Variants in NEMP1 observed in about 807,000 individuals in gnomAD.
The protein encoded by NEMP1 is transmembrane protein 194.
Under a neutral mutation model 53.7 loss-of-function variants are expected in NEMP1, and 29 were observed. The observed-to-expected ratio is 0.54, with a 90% CI of 0.40 to 0.74. NEMP1 has a LOEUF of 0.74. Among genes scored for constraint, NEMP1 ranks in the 30% least tolerant of loss-of-function variants. The pLI is 0.00. For synonymous variants in NEMP1, 193 were observed against 192.9 expected (o/e 1.00, Z 0.00); for missense variants, 477 against 528.6 (o/e 0.90, Z 0.96).
intron 1 of NEMP1, among the ~76,000 whole-genome samples, chr12:57,074,307 T>TTTC (rs2136512017): frequency 6.6e-6 from 1 of 151,470 alleles, no homozygotes; most frequent in African/African-American, 2.4e-5. Context: ...TTTTTTTTTT[T>TTTC]TTCAGACAGG....
chr12:57,072,772 G>T lies in NEMP1; in HGVS notation c.252+16C>A. Reference sequence around the variant, plus strand: ...TTTACAGAAGCTGCCACTGCCAGAGGATTCCAAGTTATTACCTGTATCCGT... The same window carrying T: ...TTTACAGAAGCTGCCACTGCCAGAGTATTCCAAGTTATTACCTGTATCCGT... On this transcript the variant is annotated intron_variant, in intron 2 of 8. Transcript: ENST00000300128. 1 of 1,579,828 alleles carries T rather than the reference G, an allele frequency of 6.3e-7. No homozygotes were observed. The highest frequency in any genetic ancestry group is 8.6e-7 in the Non-Finnish European group (1 of 1,158,792).
rs769112432 is a variant in NEMP1 at position 57,070,822 on chromosome 12, C to G, written c.324G>C (p.Glu108Asp). ...VENEEKLKEL[E>D]QFSIWNFFSS... ...AAAAAAAGTTCCAGATACTAAACTGCTCTAGCTCCTTCAGTTTCTCCTCAT... is the reference window on the plus strand; with the variant it reads ...AAAAAAAGTTCCAGATACTAAACTGGTCTAGCTCCTTCAGTTTCTCCTCAT... The change falls in exon 3 of 9, where the codon GAG (glutamate) becomes GAC (aspartate). Residue 108 changes from glutamate (E) to aspartate (D), a missense_variant. Glu to Asp is a conservative substitution (Grantham distance 45). Coordinates refer to ENST00000300128, the MANE Select transcript of NEMP1 (RefSeq NM_001130963.2). The G allele has an allele frequency of 3.7e-6, 6 of 1,614,134 alleles. No individual in the cohort carries two copies. In the South Asian group the frequency reaches 6.6e-5, roughly 18 times the overall value.
At chr12:57,085,708 C>T (rs2032970939) in intron 1 of NEMP1, among the ~76,000 whole-genome samples, 1 of 152,238 alleles carries the variant, frequency 6.6e-6, no homozygotes, top group South Asian at 2.1e-4. Context: ...GGCCTACTAC[C>T]TTTAGCATCT....
At chr12:57,085,305 G>T (rs1389370799) in intron 1 of NEMP1, among the ~76,000 whole-genome samples, 5 of 152,098 alleles carry the variant, frequency 3.3e-5, no homozygotes, top group African/African-American at 9.7e-5. Context: ...TCAGCCTCCT[G>T]AAGTGCTATG....
intron 8 of NEMP1, among the ~76,000 whole-genome samples, chr12:57,060,388 CGTTTAT>C (rs1175470521): frequency 1.3e-5 from 2 of 152,186 alleles, no homozygotes; most frequent in Non-Finnish European, 2.9e-5. Flanking sequence ...CAGTTATTCA[CGTTTAT>C]GGCCCTGTAA....
chr12:57,087,588 G>A (rs935807102), intron 1 of NEMP1, among the ~76,000 whole-genome samples: 13 of 152,092 alleles, frequency 8.5e-5, no homozygotes, highest in Middle Eastern at 3.4e-3. Context: ...TGTGTTTGGC[G>A]CTTAATAGGT....
rs1291078553 is a variant in NEMP1 at position 57,069,207 on chromosome 12, A to G, written c.545+27T>C. 5 of 1,503,396 alleles carry G rather than the reference A, an allele frequency of 3.3e-6. No individual in the cohort carries two copies. The Admixed American group carries it at 9.2e-5, about 28-fold the overall frequency. The allele number at this position is 1,503,396 out of a possible 1,614,324, so 93.1% of individuals were successfully genotyped here. On this transcript the variant is annotated intron_variant, in intron 4 of 8. Transcript: ENST00000300128. ...AGGCAGGATAGGTATGAGCCGTTTC[A>G]TTCTGCACACTAGCCTTGGAACCTA...
At chr12:57,064,353 G>A (rs1012817208) in intron 5 of NEMP1, among the ~76,000 whole-genome samples, 168 bp from the exon 6 acceptor site, 3 of 152,112 alleles carry the variant, frequency 2.0e-5, no homozygotes, top group Non-Finnish European at 2.9e-5. Flanking sequence ...GGTACAGTCT[G>A]CAACGAACAC....
intron 1 of NEMP1, 82 bp downstream of exon 1, chr12:57,078,537 G>C: frequency 1.3e-6 from 2 of 1,512,122 alleles, no homozygotes; most frequent in Non-Finnish European, 1.8e-6. Context: ...CAGAGTAACG[G>C]CCCGCGCCCT....
chr12:57,083,410 A>G (rs960408594), upstream of NEMP1, among the ~76,000 whole-genome samples: 2 of 152,258 alleles, frequency 1.3e-5, no homozygotes, highest in African/African-American at 4.8e-5. Context: ...ACACAATGCA[A>G]TGAATATTCA....
upstream of NEMP1, among the ~76,000 whole-genome samples, chr12:57,083,636 C>T (rs560575095): frequency 6.6e-6 from 1 of 152,210 alleles, no homozygotes; most frequent in African/African-American, 2.4e-5. Flanking sequence ...TGGAATGACA[C>T]ATATGACTTC....
At chr12:57,079,722 G>A (rs954428180), upstream of NEMP1, among the ~76,000 whole-genome samples, 9 of 152,164 alleles carry the variant, frequency 5.9e-5, no homozygotes, top group African/African-American at 2.2e-4. Flanking sequence ...AGGAATTCAA[G>A]GAAGGGGGCA....
At position 57,064,099 on chromosome 12, in the gene NEMP1, G is replaced by C. The variant is rs2031953001; in HGVS notation, c.726C>G (p.Ile242Met). 1 of 1,609,218 alleles carries C rather than the reference G, an allele frequency of 6.2e-7. No homozygotes were observed. Among genetic ancestry groups the C allele is most frequent in the East Asian group, 2.2e-5 (1 of 44,656 alleles). Residue 242 changes from isoleucine to methionine, a missense_variant, in exon 6 of 9, where the codon ATC (isoleucine) becomes ATG (methionine). Ile to Met is a conservative substitution (Grantham distance 10). Coordinates refer to ENST00000300128, the MANE Select transcript of NEMP1 (RefSeq NM_001130963.2). The part of the protein sequence containing the change: ...IQLVFKNLQE[I>M]WRCYWQYLLS... ...AAAGATACTGCCAGTAACACCTCCA[G>C]ATCTCTTGTAAATTTTTAAAAACTA...
chr12:57,060,740 G>A (rs762170922), intron 8 of NEMP1, 32 bp downstream of exon 8: 1 of 1,597,106 alleles, frequency 6.3e-7, no homozygotes. Context: ...CAATTACCCT[G>A]ATAGATGCTT....
intron 1 of NEMP1, among the ~76,000 whole-genome samples, chr12:57,078,148 T>C (rs988204716): frequency 1.3e-5 from 2 of 152,168 alleles, no homozygotes; most frequent in African/African-American, 2.4e-5. Flanking sequence ...ACTGCATTTC[T>C]GTCAACTACA....
At chr12:57,072,702 G>T in intron 2 of NEMP1, 86 bp downstream of exon 2, 1 of 1,395,674 alleles carries the variant, frequency 7.2e-7, no homozygotes, top group Non-Finnish European at 9.8e-7. Context: ...TTAAGCATGT[G>T]AAGGGGAAGA....
chr12:57,073,232 C>T (rs997722068), intron 1 of NEMP1, among the ~76,000 whole-genome samples: 2 of 151,592 alleles, frequency 1.3e-5, no homozygotes, highest in Admixed American at 6.6e-5. Context: ...TCTTGGTTCA[C>T]TGCAAGCTCC....
rs2031590253 is a variant in NEMP1 at position 57,057,616 on chromosome 12, TCTC to T, written c.*2260_*2262del. 1 of 152,134 alleles carries T rather than the reference TCTC, an allele frequency of 6.6e-6. No homozygotes were observed. Among genetic ancestry groups the T allele is most frequent in the South Asian group, 2.1e-4 (1 of 4,818 alleles). 9.4% of individuals were successfully genotyped at this position (152,134 alleles called of 1,614,324 possible). ...TCTCAGGCTGCAGAACCAATTGCCA[TCTC>T]CACTGCCTACAGCTCAGGTCTCCAA... On this transcript the variant is annotated 3_prime_UTR_variant, in exon 9 of 9. Coordinates refer to ENST00000300128, the MANE Select transcript of NEMP1 (RefSeq NM_001130963.2).
rs1008869172 is a variant in NEMP1 at position 57,056,783 on chromosome 12, C to CA, written c.*3095dup. On this transcript the variant is annotated 3_prime_UTR_variant, in exon 9 of 9. Coordinates refer to ENST00000300128, the MANE Select transcript of NEMP1 (RefSeq NM_001130963.2). ...ACTATCTGGCCTATTTGGGTTCTTT[C>CA]ATTCACCAAAATTCTATTATACATG... 12 of 152,094 alleles carry CA rather than the reference C, an allele frequency of 7.9e-5. No individual in the cohort carries two copies. The highest frequency in any genetic ancestry group is 2.9e-4 in the African/African-American group (12 of 41,406). The allele number at this position is 152,094 out of a possible 1,614,324, so 9.4% of individuals were successfully genotyped here.
Sources: gnomAD v4.1 joint callset for allele counts (sites outside exome capture counted in the v4.1 genomes callset) on GRCh38, gnomAD v4.1.1 for gene constraint, MANE v1.5 for transcripts, NCBI Gene and HGNC (gene_info 2026-07-23, HGNC 2026-07-21) for gene names.